Variants in KIF13B observed in about 807,000 individuals in gnomAD.
KIF13B encodes the protein kinesin-like protein KIF13B.
In KIF13B, 127 loss-of-function variants were observed where a neutral mutation model predicts 222.0. That is an observed-to-expected ratio of 0.57 (90% CI 0.50 to 0.66). The LOEUF is 0.66. Among genes scored for constraint, KIF13B ranks in the 30% least tolerant of loss-of-function variants. The probability of loss-of-function intolerance (pLI) is 0.00; values close to 1 mark genes in which losing one functional copy is unlikely to be tolerated. For missense variants in KIF13B, 2,173 were observed against 2,379.0 expected (o/e 0.91, Z 1.80); for synonymous variants, 976 against 919.0 (o/e 1.06, Z -1.12).
intron 8 of KIF13B, among the ~76,000 whole-genome samples, chr8:29,179,709 A>T (rs191400345): frequency 2.5e-4 from 38 of 152,330 alleles, no homozygotes; most frequent in African/African-American, 8.7e-4. Context: ...TCCAGGTTCC[A>T]GGGTGCTACG....
chr8:29,119,818 C>T lies in KIF13B; in HGVS notation c.3536-826G>A, dbSNP rs943421193. Among the ~76,000 whole-genome samples the T allele has an allele frequency of 1.2e-4, 18 of 149,496 alleles. No homozygotes were observed. In the East Asian group the frequency reaches 3.3e-3, roughly 27 times the overall value. ...GCAAACAGACAGTGGCTGTATTATTCGGTATTATTCTCTAACTCTATGCAT... is the reference window on the plus strand; with the variant it reads ...GCAAACAGACAGTGGCTGTATTATTTGGTATTATTCTCTAACTCTATGCAT... On this transcript the variant is annotated intron_variant, in intron 29 of 39. Coordinates refer to ENST00000524189, the MANE Select transcript of KIF13B (RefSeq NM_015254.4).
At position 29,146,531 on chromosome 8, in the gene KIF13B, C is replaced by T. The variant is rs755407434; in HGVS notation, c.2034G>A (p.Thr678=). ...LRQWAEEREA[T]LNNSLMRLRE... ...TCAGCCTCATCAGGCTGTTATTCAA[C>T]GTTGCTTCTCTAAAAAAAAATAAAG... is the stretch of plus-strand genomic sequence containing the variant. Residue 678 remains threonine (T), a synonymous_variant, in exon 18 of 40, where the codon ACG becomes ACA. Coordinates refer to ENST00000524189, the MANE Select transcript of KIF13B (RefSeq NM_015254.4). 5 of 1,612,438 alleles carry T rather than the reference C, an allele frequency of 3.1e-6. No individual in the cohort carries two copies. The highest frequency in any genetic ancestry group is 2.7e-5 in the African/African-American group (2 of 74,732).
chr8:29,070,771 G>A lies in KIF13B; in HGVS notation c.5219-5C>T, dbSNP rs1356858586. 4.4e-6 allele frequency: 7 copies of A among 1,586,098 alleles called. No homozygotes were observed. Among genetic ancestry groups the A allele is most frequent in the Non-Finnish European group, 5.1e-6 (6 of 1,166,970 alleles). On this transcript the variant is annotated splice_polypyrimidine_tract_variant and splice_region_variant and intron_variant, in intron 39 of 39. Transcript: ENST00000524189. This position sits in a 1 kb window ranked among gnomAD's most constrained non-coding sequence, Gnocchi z 4.1. ...CGATGGAACCGTCATTCTTACCTGC[G>A]GGGGAAGGAGAGGGTGATATGGAGG...
In KIF13B at chr8:29,068,610, C is replaced by T. The variant is rs547510806; in HGVS notation, c.*1894G>A. Reference sequence around the variant, plus strand: ...TGCTGGGTGGATGGCTCAGCCACCACGAAGTGCCAGGTCCCACCCACGCTG... The same window carrying T: ...TGCTGGGTGGATGGCTCAGCCACCATGAAGTGCCAGGTCCCACCCACGCTG... On this transcript the variant is annotated 3_prime_UTR_variant, in exon 40 of 40. Transcript: ENST00000524189. This position sits in a 1 kb window ranked among gnomAD's most constrained non-coding sequence, Gnocchi z 4.4. The T allele has an allele frequency of 1.3e-5, 2 of 152,320 alleles. No individual in the cohort carries two copies. Among genetic ancestry groups the T allele is most frequent in the East Asian group, 1.9e-4 (1 of 5,196 alleles). 9.4% of individuals were successfully genotyped at this position (152,320 alleles called of 1,614,324 possible).
At chr8:29,188,699 A>C (rs1813050701) in intron 4 of KIF13B, 92 bp from the exon 5 acceptor site, 4 of 753,420 alleles carry the variant, frequency 5.3e-6, no homozygotes, top group South Asian at 1.8e-5. Flanking sequence ...AAAAATGTAT[A>C]ATCTGCTTAT....
At chr8:29,077,245 C>T (rs1029915530) in intron 37 of KIF13B, among the ~76,000 whole-genome samples, 6 of 152,178 alleles carry the variant, frequency 3.9e-5, no homozygotes, top group Non-Finnish European at 8.8e-5. Flanking sequence ...CTCCCCTCTG[C>T]GCCCCTCCCA....
intron 12 of KIF13B, among the ~76,000 whole-genome samples, chr8:29,163,758 C>T (rs1035216684): frequency 2.0e-5 from 3 of 152,068 alleles, no homozygotes; most frequent in African/African-American, 7.2e-5. Flanking sequence ...CAGAAGGGAC[C>T]CCTGAGAGAG....
chr8:29,103,135 G>A (rs1374076898), intron 35 of KIF13B, among the ~76,000 whole-genome samples: 2 of 151,874 alleles, frequency 1.3e-5, no homozygotes, highest in Admixed American at 6.6e-5. Flanking sequence ...CCAGCTACTC[G>A]GGAGGCTGAG....
At chr8:29,215,419 G>T (rs1303840210) in intron 2 of KIF13B, among the ~76,000 whole-genome samples, 2 of 152,192 alleles carry the variant, frequency 1.3e-5, no homozygotes, top group African/African-American at 2.4e-5. Flanking sequence ...CAGGTGTGGT[G>T]GCTCACAACT....
chr8:29,151,478 A>G (rs1811294801), intron 14 of KIF13B, among the ~76,000 whole-genome samples: 1 of 152,228 alleles, frequency 6.6e-6, no homozygotes, highest in African/African-American at 2.4e-5. Flanking sequence ...TCAAAGCTTC[A>G]ATGGCAGGCT....
chr8:29,091,280 T>C (rs1216920349), intron 37 of KIF13B, among the ~76,000 whole-genome samples: 2 of 152,204 alleles, frequency 1.3e-5, no homozygotes, highest in African/African-American at 4.8e-5. Flanking sequence ...AGTAAGAGCA[T>C]AAGTAAGTTC....
chr8:29,071,581 C>G lies in KIF13B; in HGVS notation c.5218+39G>C, dbSNP rs1216076420. On this transcript the variant is annotated intron_variant, in intron 39 of 39. Coordinates refer to ENST00000524189, the MANE Select transcript of KIF13B (RefSeq NM_015254.4). The surrounding 1 kb of genome is among the most constrained non-coding windows in gnomAD (Gnocchi z 4.9). ...GGCCACGTTCCTGCTTCCCCAGACC[C>G]CCGGCACCACCCTGGAGCCCGGAGT... 1.3e-6 allele frequency: 2 copies of G among 1,520,644 alleles called. No homozygotes were observed. Among genetic ancestry groups the G allele is most frequent in the Admixed American group, 3.9e-5 (2 of 50,770 alleles). The allele number at this position is 1,520,644 out of a possible 1,614,324, so 94.2% of individuals were successfully genotyped here.
chr8:29,197,055 T>C (rs536011477), intron 2 of KIF13B, among the ~76,000 whole-genome samples: 18 of 152,180 alleles, frequency 1.2e-4, no homozygotes, highest in African/African-American at 4.3e-4. Context: ...TAACTCAATA[T>C]GGCCGGGCGC....
At chr8:29,234,391 G>A (rs906036730) in intron 2 of KIF13B, among the ~76,000 whole-genome samples, 1 of 151,734 alleles carries the variant, frequency 6.6e-6, no homozygotes, top group Non-Finnish European at 1.5e-5. Context: ...TCGAGGACAT[G>A]CTAAGTGAAA....
chr8:29,233,197 A>C (rs1448017637), intron 2 of KIF13B, among the ~76,000 whole-genome samples: 1 of 152,070 alleles, frequency 6.6e-6, no homozygotes, highest in Non-Finnish European at 1.5e-5. Flanking sequence ...CCAAAATTCC[A>C]TCTTGGTTCT....
At chr8:29,157,293 A>G (rs936853218) in intron 13 of KIF13B, among the ~76,000 whole-genome samples, 4 of 148,706 alleles carry the variant, frequency 2.7e-5, no homozygotes, top group Non-Finnish European at 4.4e-5. Context: ...GGTAGCTTAC[A>G]CCTGTAATCC....
chr8:29,212,284 A>G (rs1309473604), intron 2 of KIF13B, among the ~76,000 whole-genome samples: 1 of 152,240 alleles, frequency 6.6e-6, no homozygotes, highest in Non-Finnish European at 1.5e-5. Flanking sequence ...AATGTTTTCC[A>G]AAGTGTATAT....
intron 2 of KIF13B, among the ~76,000 whole-genome samples, chr8:29,199,795 A>G (rs1813612059): frequency 1.3e-5 from 2 of 152,130 alleles, no homozygotes; most frequent in African/African-American, 4.8e-5. Context: ...AACATTTCCC[A>G]ATGTACTAAT....
intron 36 of KIF13B, among the ~76,000 whole-genome samples, chr8:29,095,862 G>A (rs946542859): frequency 1.3e-5 from 2 of 151,512 alleles, no homozygotes; most frequent in African/African-American, 4.9e-5. Context: ...GGAAAGACTG[G>A]ATACTGCCAG....
Sources: allele counts gnomAD v4.1 joint callset (sites outside exome capture counted in the v4.1 genomes callset), GRCh38; gene constraint gnomAD v4.1.1; non-coding constraint Gnocchi (gnomAD v3.1); transcripts MANE v1.5; gene names NCBI Gene and HGNC (gene_info 2026-07-23, HGNC 2026-07-21).